AUH: variants seen among roughly 807,000 people sequenced by gnomAD.
AUH encodes methylglutaconyl-CoA hydratase, mitochondrial.
In AUH, 29 loss-of-function variants were observed where a neutral mutation model predicts 42.3. That is an observed-to-expected ratio of 0.69 (90% CI 0.51 to 0.93). The LOEUF is 0.93. Among genes scored for constraint, AUH ranks in the 40% least tolerant of loss-of-function variants. The probability of loss-of-function intolerance (pLI) is 0.00; values close to 1 mark genes in which losing one functional copy is unlikely to be tolerated. For missense variants in AUH, 452 were observed against 438.1 expected (o/e 1.03, Z -0.28); for synonymous variants, 174 against 166.4 (o/e 1.05, Z -0.35).
rs1830077379 is a variant in AUH at position 91,328,037 on chromosome 9, G to C, written c.419-2633C>G. On this transcript the variant is annotated intron_variant, in intron 3 of 9. Coordinates refer to ENST00000375731, the MANE Select transcript of AUH (RefSeq NM_001698.3). ...CAAGAGGGTGGAGTAAGGCCAGGGG[G>C]CCCAAGCAAGGCCCAGACAGAGGTG... Among the ~76,000 whole-genome samples, 3 of 152,284 alleles carry C rather than the reference G, an allele frequency of 2.0e-5. No homozygotes were observed. In the South Asian group the frequency reaches 6.2e-4, roughly 32 times the overall value.
intron 4 of AUH, among the ~76,000 whole-genome samples, chr9:91,309,301 G>A (rs1167775937): frequency 6.6e-6 from 1 of 151,832 alleles, no homozygotes; most frequent in Admixed American, 6.6e-5. Context: ...TGAGATTTGG[G>A]TGGTGCCAAA....
At chr9:91,310,899 G>C (rs936960413) in intron 4 of AUH, among the ~76,000 whole-genome samples, 2 of 152,184 alleles carry the variant, frequency 1.3e-5, no homozygotes, top group African/African-American at 4.8e-5. Context: ...TGATATGTAT[G>C]TGCATCTATT....
At chr9:91,341,951 T>C (rs1587899047) in intron 3 of AUH, among the ~76,000 whole-genome samples, 1 of 151,730 alleles carries the variant, frequency 6.6e-6, no homozygotes, top group Admixed American at 6.6e-5. Context: ...GCACAACGAG[T>C]TGGAGAGAAG....
chr9:91,343,564 G>T (rs1831261617), intron 3 of AUH, among the ~76,000 whole-genome samples: 1 of 152,164 alleles, frequency 6.6e-6, no homozygotes, highest in South Asian at 2.1e-4. Flanking sequence ...AGGAGTCCGA[G>T]ACCAGCCTGG....
At chr9:91,227,723 T>G (rs575607419) in intron 6 of AUH, among the ~76,000 whole-genome samples, 11 of 151,946 alleles carry the variant, frequency 7.2e-5, no homozygotes, top group African/African-American at 2.7e-4. Flanking sequence ...TTGAAATATG[T>G]CCCATCAATA....
chr9:91,229,264 A>G (rs1827719584), intron 6 of AUH, among the ~76,000 whole-genome samples: 1 of 148,946 alleles, frequency 6.7e-6, no homozygotes, highest in South Asian at 2.2e-4. Flanking sequence ...TATATTTAGG[A>G]TAGTTAGCTC....
intron 3 of AUH, among the ~76,000 whole-genome samples, chr9:91,354,887 T>C (rs765898057): frequency 2.6e-5 from 4 of 151,802 alleles, no homozygotes; most frequent in South Asian, 2.1e-4. Context: ...GACATAAGAA[T>C]CCTAATTCTC....
At chr9:91,216,247 A>G in intron 8 of AUH, 141 bp from the exon 9 acceptor site, 1 of 860,350 alleles carries the variant, frequency 1.2e-6, no homozygotes, top group Non-Finnish European at 1.9e-6. Context: ...TGTGACCAAC[A>G]TGAGACACAG....
intron 3 of AUH, among the ~76,000 whole-genome samples, chr9:91,334,148 T>C (rs1043419793): frequency 1.3e-5 from 2 of 152,208 alleles, no homozygotes; most frequent in African/African-American, 2.4e-5. Context: ...TGCCAGGTCA[T>C]ATGGAATGCA....
At position 91,217,267 on chromosome 9, in the gene AUH, A is replaced by C; in HGVS notation, c.894+10T>G. The C allele has an allele frequency of 2.5e-6, 4 of 1,612,794 alleles. No individual in the cohort carries two copies. Among genetic ancestry groups the C allele is most frequent in the South Asian group, 1.1e-5 (1 of 91,044 alleles). On this transcript the variant is annotated intron_variant, in intron 8 of 9. Transcript: ENST00000375731. Reference sequence around the variant, plus strand: ...ATTCCCAAAACAAACTCAAGCATTAAGGAACCTACCTCCATCCCTTGATTA... The same window carrying C: ...ATTCCCAAAACAAACTCAAGCATTACGGAACCTACCTCCATCCCTTGATTA...
At chr9:91,278,722 A>G (rs940112721) in intron 6 of AUH, among the ~76,000 whole-genome samples, 8 of 152,160 alleles carry the variant, frequency 5.3e-5, no homozygotes, top group Non-Finnish European at 1.5e-5. Context: ...CAGCCAAGAT[A>G]GGGTAGCAAA....
At chr9:91,354,054 G>C (rs1263174797) in intron 3 of AUH, among the ~76,000 whole-genome samples, 1 of 151,802 alleles carries the variant, frequency 6.6e-6, no homozygotes, top group African/African-American at 2.4e-5. Flanking sequence ...TGTAATCCCA[G>C]CTACACGGGA....
chr9:91,313,228 A>AT (rs1828849852), intron 4 of AUH, among the ~76,000 whole-genome samples: 1 of 152,156 alleles, frequency 6.6e-6, no homozygotes, highest in Non-Finnish European at 1.5e-5. Context: ...ATTTTGCAGG[A>AT]GTGACTATAT....
intron 3 of AUH, among the ~76,000 whole-genome samples, chr9:91,326,193 A>G (rs1230474375): frequency 6.6e-6 from 1 of 152,184 alleles, no homozygotes; most frequent in Non-Finnish European, 1.5e-5. Flanking sequence ...ACACTCAGCT[A>G]TTTACCCTTA....
At chr9:91,299,942 AGAG>A (rs1385206733) in intron 4 of AUH, among the ~76,000 whole-genome samples, 1 of 152,150 alleles carries the variant, frequency 6.6e-6, no homozygotes, top group African/African-American at 2.4e-5. Context: ...CCAGCTTCTA[AGAG>A]GAGTAGAGTA....
chr9:91,233,738 G>A (rs1409856167), intron 6 of AUH, among the ~76,000 whole-genome samples: 1 of 152,196 alleles, frequency 6.6e-6, no homozygotes, highest in African/African-American at 2.4e-5. Flanking sequence ...GCCAGCCTGA[G>A]GCTGGACAGG....
chr9:91,302,640 C>G (rs761817175), intron 4 of AUH, among the ~76,000 whole-genome samples: 1 of 151,588 alleles, frequency 6.6e-6, no homozygotes, highest in Non-Finnish European at 1.5e-5. Context: ...CATGGTGGTG[C>G]GTGCCTGTAA....
chr9:91,253,235 TAGATGCAC>T (rs1352248760), intron 6 of AUH, among the ~76,000 whole-genome samples: 4 of 152,230 alleles, frequency 2.6e-5, no homozygotes, highest in Non-Finnish European at 5.9e-5. Context: ...TAATGTTTAA[TAGATGCAC>T]AGATTAGGGC....
chr9:91,215,447 T>C (rs1460020252), intron 9 of AUH, among the ~76,000 whole-genome samples: 2 of 152,180 alleles, frequency 1.3e-5, no homozygotes, highest in Middle Eastern at 3.2e-3. Context: ...GTAAATGGCA[T>C]GTACACAGTT....
Sources: gnomAD v4.1 joint callset for allele counts (sites outside exome capture counted in the v4.1 genomes callset) on GRCh38, gnomAD v4.1.1 for gene constraint, MANE v1.5 for transcripts, NCBI Gene and HGNC (gene_info 2026-07-23, HGNC 2026-07-21) for gene names.